The following DPP10 variants were observed in gnomAD, a reference collection of about 807,000 sequenced individuals.
The protein encoded by DPP10 is inactive dipeptidyl peptidase 10.
DPP10 carries 33 observed loss-of-function variants against 120.9 expected under a neutral mutation model. The ratio of observed to expected loss-of-function variants is 0.27; its 90% CI spans 0.21 to 0.37. DPP10 has a LOEUF of 0.37. DPP10 is among the 10% of genes least tolerant of loss of function. The pLI, the probability that DPP10 is intolerant of heterozygous loss-of-function variation, is 1.00. For synonymous variants in DPP10, 337 were observed against 326.1 expected (o/e 1.03, Z -0.36); for missense variants, 816 against 942.8 (o/e 0.87, Z 1.76).
chr2:115,559,402 G>A (rs149661703), intron 5 of DPP10, among the ~76,000 whole-genome samples: 2 of 152,224 alleles, frequency 1.3e-5, no homozygotes, highest in Non-Finnish European at 2.9e-5. Context: ...CCTGAAAATA[G>A]TAATTATGAC....
intron 1 of DPP10, among the ~76,000 whole-genome samples, chr2:114,871,402 C>A (rs1342796496): frequency 1.3e-5 from 2 of 152,112 alleles, no homozygotes; most frequent in African/African-American, 4.8e-5. Context: ...GGTTGGTGCA[C>A]AAGTAATTGC....
intron 10 of DPP10, among the ~76,000 whole-genome samples, chr2:115,751,068 T>C (rs1434145375): frequency 6.6e-6 from 1 of 152,308 alleles, no homozygotes; most frequent in South Asian, 2.1e-4. Context: ...CCAAAAAATA[T>C]GACCTTCTTG....
intron 1 of DPP10, among the ~76,000 whole-genome samples, chr2:114,663,668 T>TATATATATATATATAGAG: frequency 1.2e-5 from 1 of 80,714 alleles, no homozygotes; most frequent in African/African-American, 9.4e-5. Flanking sequence ...TATATATATA[T>TATATATATATATATAGAG]AGAGAGAGAG....
chr2:115,718,108 A>G (rs2149598989), intron 7 of DPP10, among the ~76,000 whole-genome samples: 1 of 152,300 alleles, frequency 6.6e-6, no homozygotes, highest in East Asian at 1.9e-4. Context: ...TAACTGGATA[A>G]AAATGTCTGA....
At chr2:115,684,440 A>C (rs1295395546) in intron 5 of DPP10, among the ~76,000 whole-genome samples, 3 of 151,906 alleles carry the variant, frequency 2.0e-5, no homozygotes, top group Admixed American at 2.0e-4. Flanking sequence ...AAGAGAAACC[A>C]ATCCCATTTT....
intron 1 of DPP10, among the ~76,000 whole-genome samples, chr2:114,452,834 A>G (rs556711061): frequency 2.0e-5 from 3 of 152,202 alleles, no homozygotes; most frequent in African/African-American, 7.2e-5. Flanking sequence ...TGTTTTTCTC[A>G]AACTAACTTC....
At chr2:114,472,575 G>A (rs756356149) in intron 1 of DPP10, among the ~76,000 whole-genome samples, 4 of 152,076 alleles carry the variant, frequency 2.6e-5, no homozygotes, top group Non-Finnish European at 5.9e-5. Flanking sequence ...TCTCACCTTC[G>A]ATGCAGGCTG....
At position 115,844,739 on chromosome 2, in the gene DPP10, C is replaced by G. The variant is rs1690479402; in HGVS notation, c.*2394C>G. 1 of 152,002 alleles carries G rather than the reference C, an allele frequency of 6.6e-6. No individual in the cohort carries two copies. The highest frequency in any genetic ancestry group is 6.6e-5 in the Admixed American group (1 of 15,252). The allele number at this position is 152,002 out of a possible 1,614,324, so 9.4% of individuals were successfully genotyped here. On this transcript the variant is annotated 3_prime_UTR_variant, in exon 26 of 26. Coordinates refer to ENST00000410059, the MANE Select transcript of DPP10 (RefSeq NM_020868.6). Reference sequence around the variant, plus strand: ...GCATGCTTTCCAAGTGTTATTATTCCCTTAATGTTAAAGAAAAAAATCAAT... The same window carrying G: ...GCATGCTTTCCAAGTGTTATTATTCGCTTAATGTTAAAGAAAAAAATCAAT...
chr2:115,839,729 A>T (rs1036955460), intron 24 of DPP10, among the ~76,000 whole-genome samples: 1 of 151,868 alleles, frequency 6.6e-6, no homozygotes, highest in Non-Finnish European at 1.5e-5. Flanking sequence ...CTGAAGATAC[A>T]CAAACTACAG....
intron 1 of DPP10, among the ~76,000 whole-genome samples, chr2:114,643,990 A>G (rs1234269015): frequency 5.5e-5 from 8 of 144,402 alleles, no homozygotes; most frequent in South Asian, 2.2e-4. Context: ...GCTGGAGTGC[A>G]GTGGCATGAT....
intron 1 of DPP10, among the ~76,000 whole-genome samples, chr2:114,682,312 C>T (rs559316669): frequency 5.9e-5 from 9 of 152,100 alleles, no homozygotes; most frequent in African/African-American, 2.2e-4. Flanking sequence ...GACTGACATA[C>T]ATCTTCCAAG....
At chr2:115,736,152 C>G (rs973765465) in intron 8 of DPP10, among the ~76,000 whole-genome samples, 1 of 152,086 alleles carries the variant, frequency 6.6e-6, no homozygotes, top group Non-Finnish European at 1.5e-5. Context: ...GACTTCTAAA[C>G]TCACCAACTT....
intron 7 of DPP10, among the ~76,000 whole-genome samples, chr2:115,720,400 C>T (rs2092616664): frequency 6.6e-6 from 1 of 151,958 alleles, no homozygotes; most frequent in African/African-American, 2.4e-5. Context: ...CAGCATATTG[C>T]TTAGAGGAGG....
chr2:115,674,635 G>GA (rs2090137241), intron 5 of DPP10, among the ~76,000 whole-genome samples: 1 of 152,078 alleles, frequency 6.6e-6, no homozygotes, highest in Non-Finnish European at 1.5e-5. Flanking sequence ...CCTTAAAGAA[G>GA]AACATTCTGC....
At chr2:115,809,939 G>A (rs6725134) in intron 19 of DPP10, among the ~76,000 whole-genome samples, 62,495 of 152,040 alleles carry the variant, frequency 0.41, 15,241 homozygotes, top group East Asian at 0.67. Context: ...CGAGGCAGGC[G>A]GATCACGAGG....
At chr2:115,415,031 T>C (rs1447795176) in intron 3 of DPP10, among the ~76,000 whole-genome samples, 1 of 152,172 alleles carries the variant, frequency 6.6e-6, no homozygotes, top group Non-Finnish European at 1.5e-5. Flanking sequence ...TTATCTTAGA[T>C]CTTAGCCTTA....
intron 1 of DPP10, among the ~76,000 whole-genome samples, chr2:114,548,630 T>A (rs779672951): frequency 1.7e-4 from 26 of 152,194 alleles, no homozygotes; most frequent in Non-Finnish European, 3.1e-4. Context: ...CAGTTGGTTG[T>A]CCCTAAACAG....
chr2:115,309,295 G>A lies in DPP10; in HGVS notation c.117G>A (p.Leu39=). 2 of 1,613,400 alleles carry A rather than the reference G, an allele frequency of 1.2e-6. No homozygotes were observed. The highest frequency in any genetic ancestry group is 1.7e-6 in the Non-Finnish European group (2 of 1,179,618). ...QRNWKGIAIA[L]LVILVVCSLI... ...ACTGGAAGGGAATTGCTATTGCTCT[G>A]CTGGTGATTTTAGTTGTATGCTCAC... Residue 39 remains leucine, a synonymous_variant, in exon 2 of 26, where the codon CTG becomes CTA. Coordinates refer to ENST00000410059, the MANE Select transcript of DPP10 (RefSeq NM_020868.6).
At chr2:115,260,311 T>A (rs1223475831) in intron 1 of DPP10, among the ~76,000 whole-genome samples, 1 of 152,152 alleles carries the variant, frequency 6.6e-6, no homozygotes, top group African/African-American at 2.4e-5. Context: ...TTCAAATCAT[T>A]CCGTTGGTAA....
Sources: gnomAD v4.1 joint callset for allele counts (sites outside exome capture counted in the v4.1 genomes callset) on GRCh38, gnomAD v4.1.1 for gene constraint, MANE v1.5 for transcripts, NCBI Gene and HGNC (gene_info 2026-07-23, HGNC 2026-07-21) for gene names.